The following GOLPH3L variants were observed in gnomAD, a reference collection of about 807,000 sequenced individuals.
The protein encoded by GOLPH3L is golgi phosphoprotein 3 like, also known as Golgi phosphoprotein 3-like.
GOLPH3L carries 22 observed loss-of-function variants against 30.3 expected under a neutral mutation model. The observed-to-expected ratio is 0.73, with a 90% CI of 0.52 to 1.04. The LOEUF (loss-of-function observed/expected upper bound fraction) is 1.04. GOLPH3L is among the 50% of genes least tolerant of loss of function. GOLPH3L has a pLI of 0.00. For missense variants in GOLPH3L, 303 were observed against 345.8 expected (o/e 0.88, Z 0.98); for synonymous variants, 120 against 128.2 (o/e 0.94, Z 0.43).
intron 2 of GOLPH3L, among the ~76,000 whole-genome samples, chr1:150,679,449 T>C (rs1650894946): frequency 6.6e-6 from 1 of 152,214 alleles, no homozygotes; most frequent in Non-Finnish European, 1.5e-5. Context: ...CTTAATTGCA[T>C]GCAGTCACAA....
intron 4 of GOLPH3L, among the ~76,000 whole-genome samples, chr1:150,659,082 T>G (rs1007892878): frequency 2.0e-5 from 3 of 152,248 alleles, no homozygotes; most frequent in African/African-American, 7.2e-5. Flanking sequence ...GGAAGCCCTT[T>G]GATTTCAATG....
At chr1:150,694,562 A>G in intron 2 of GOLPH3L, 94 bp downstream of exon 2, 1 of 761,608 alleles carries the variant, frequency 1.3e-6, no homozygotes, top group East Asian at 2.8e-5. Flanking sequence ...TTCTAAGACC[A>G]ATTTATTATT....
chr1:150,684,821 C>T (rs1651045952), intron 2 of GOLPH3L, among the ~76,000 whole-genome samples: 1 of 152,066 alleles, frequency 6.6e-6, no homozygotes, highest in African/African-American at 2.4e-5. Context: ...GCATGCACTA[C>T]CACGCCCAGC....
At chr1:150,678,247 C>T (rs1447497402) in intron 2 of GOLPH3L, among the ~76,000 whole-genome samples, 6 of 126,552 alleles carry the variant, frequency 4.7e-5, no homozygotes, top group Non-Finnish European at 7.8e-5. Flanking sequence ...TTCAGTGAGC[C>T]GAGATCGCCT....
At chr1:150,681,274 G>A (rs1046637799) in intron 2 of GOLPH3L, among the ~76,000 whole-genome samples, 1 of 152,154 alleles carries the variant, frequency 6.6e-6, no homozygotes, top group African/African-American at 2.4e-5. Context: ...CTGATAAGTG[G>A]TAGAACCGGG....
intron 2 of GOLPH3L, among the ~76,000 whole-genome samples, chr1:150,676,420 T>A (rs1198437138): frequency 6.6e-6 from 1 of 152,010 alleles, no homozygotes; most frequent in Admixed American, 6.6e-5. Context: ...AGCTACTATA[T>A]AATTTCATCC....
intron 2 of GOLPH3L, among the ~76,000 whole-genome samples, chr1:150,683,686 C>T (rs1651014891): frequency 2.0e-5 from 2 of 100,972 alleles, no homozygotes; most frequent in Admixed American, 3.3e-4. Flanking sequence ...GGTGACAGAG[C>T]GAGACTCTCT....
At chr1:150,695,126 C>G (rs1353255622) in intron 1 of GOLPH3L, among the ~76,000 whole-genome samples, 1 of 152,020 alleles carries the variant, frequency 6.6e-6, no homozygotes, top group Non-Finnish European at 1.5e-5. Flanking sequence ...CTGTTGACTT[C>G]TTTTTTTCTT....
chr1:150,663,745 T>G lies in GOLPH3L; in HGVS notation c.202A>C (p.Asn68His), dbSNP rs984412189. ...KDKEGYTSFW[N>H]DCISSGLRGG... ...CGCAGGCCTGATGATATGCAGTCATTCCAGAAAGATGTGTACCCCTAGGAA... is the reference window on the plus strand; with the variant it reads ...CGCAGGCCTGATGATATGCAGTCATGCCAGAAAGATGTGTACCCCTAGGAA... The change falls in exon 3 of 5, where the codon AAT becomes CAT. Residue 68 changes from asparagine to histidine, a missense_variant. Asn to His is a moderately conservative substitution (Grantham distance 68, BLOSUM62 1). Coordinates refer to ENST00000271732, the MANE Select transcript of GOLPH3L (RefSeq NM_018178.6). 6.2e-7 allele frequency: 1 copy of G among 1,613,424 alleles called. No homozygotes were observed. The highest frequency in any genetic ancestry group is 1.7e-5 in the Admixed American group (1 of 59,976).
At chr1:150,678,425 A>G (rs1650870716) in intron 2 of GOLPH3L, among the ~76,000 whole-genome samples, 1 of 151,858 alleles carries the variant, frequency 6.6e-6, no homozygotes, top group African/African-American at 2.4e-5. Context: ...ACTCCTTATT[A>G]TGAAAGATAC....
chr1:150,683,531 CAAAAAA>C (rs35646727), intron 2 of GOLPH3L, among the ~76,000 whole-genome samples: 1 of 55,598 alleles, frequency 1.8e-5, no homozygotes, highest in Non-Finnish European at 3.3e-5. Context: ...GACTCTGTCT[CAAAAAA>C]AAAAAAAAAA....
chr1:150,654,768 A>C (rs1179749024), intron 4 of GOLPH3L, among the ~76,000 whole-genome samples: 1 of 152,212 alleles, frequency 6.6e-6, no homozygotes, highest in South Asian at 2.1e-4. Flanking sequence ...GTAGTGCCGC[A>C]GTAGATTTAT....
chr1:150,686,815 A>T (rs901593571), intron 2 of GOLPH3L, among the ~76,000 whole-genome samples: 3 of 152,152 alleles, frequency 2.0e-5, no homozygotes, highest in Non-Finnish European at 4.4e-5. Context: ...AATTAGGGAG[A>T]AGATCTTAAT....
chr1:150,697,098 T>A lies in GOLPH3L; in HGVS notation c.-119A>T, dbSNP rs1651380926. On this transcript the variant is annotated 5_prime_UTR_variant, in exon 1 of 5. It adds an upstream start codon to the 5' untranslated region. Coordinates refer to ENST00000271732, the MANE Select transcript of GOLPH3L (RefSeq NM_018178.6). ...ACCCCCGTCCTAGTAGGTGAAAAAC[T>A]TAGCCACGCAGAGAGCACAAACTTC... 1 of 150,532 alleles carries A rather than the reference T, an allele frequency of 6.6e-6. No individual in the cohort carries two copies. The highest frequency in any genetic ancestry group is 2.4e-5 in the African/African-American group (1 of 40,818). 9.3% of individuals were successfully genotyped at this position (150,532 alleles called of 1,614,324 possible).
At chr1:150,678,406 G>A (rs1364138731) in intron 2 of GOLPH3L, among the ~76,000 whole-genome samples, 4 of 150,892 alleles carry the variant, frequency 2.7e-5, no homozygotes, top group Non-Finnish European at 4.4e-5. Flanking sequence ...TTTAGATAAC[G>A]TCTAAGTGAC....
intron 2 of GOLPH3L, among the ~76,000 whole-genome samples, chr1:150,668,367 G>C (rs1003217628): frequency 2.0e-5 from 3 of 152,036 alleles, no homozygotes; most frequent in African/African-American, 7.2e-5. Context: ...GCTACTCCAA[G>C]TCATATTTGT....
Position 150,694,712 on chromosome 1 carries a change from C to A in GOLPH3L, c.127G>T (p.Asp43Tyr), listed in dbSNP as rs763104487. The A allele has an allele frequency of 3.1e-6, 5 of 1,611,782 alleles. No individual in the cohort carries two copies. The African/African-American group carries it at 5.3e-5, about 17-fold the overall frequency. ...TCTTCCATAAGAGTAAGGCGGATAT[C>A]CTTAGAGTCTCCAGAATCTTCATTG... ...PDNEDSGDSKDIRLTLMEEVL... is the reference protein window; with the variant it reads ...PDNEDSGDSKYIRLTLMEEVL... Residue 43 changes from aspartate (D) to tyrosine (Y), a missense_variant, in exon 2 of 5, where the codon GAT (aspartate) becomes TAT (tyrosine). Transcript: ENST00000271732.
chr1:150,679,329 T>G (rs1172876114), intron 2 of GOLPH3L, among the ~76,000 whole-genome samples: 1 of 152,186 alleles, frequency 6.6e-6, no homozygotes, highest in Admixed American at 6.6e-5. Context: ...GTTTTCTCAC[T>G]ATTCTACTAG....
chr1:150,689,599 A>C (rs1651163733), intron 2 of GOLPH3L, among the ~76,000 whole-genome samples: 1 of 152,190 alleles, frequency 6.6e-6, no homozygotes, highest in African/African-American at 2.4e-5. Flanking sequence ...AATTATATTT[A>C]AATTTCTTGA....
Sources: gnomAD v4.1 joint callset for allele counts (sites outside exome capture counted in the v4.1 genomes callset) on GRCh38, gnomAD v4.1.1 for gene constraint, MANE v1.5 for transcripts, NCBI Gene and HGNC (gene_info 2026-07-23, HGNC 2026-07-21) for gene names.